PROM1: variants seen among roughly 807,000 people sequenced by gnomAD.
The protein encoded by PROM1 is prominin-1.
In PROM1, 105 loss-of-function variants were observed where a neutral mutation model predicts 116.9. The observed-to-expected ratio is 0.90, with a 90% CI of 0.77 to 1.06. PROM1 has a LOEUF of 1.06. Ranked by LOEUF, PROM1 falls within the 50% of genes least tolerant of loss-of-function variation. The pLI, the probability that PROM1 is intolerant of heterozygous loss-of-function variation, is 0.00. For synonymous variants in PROM1, 393 were observed against 387.0 expected, an observed-to-expected ratio of 1.02 and a Z score of -0.18; for missense variants, 1,122 against 1,045.2, an observed-to-expected ratio of 1.07 and a Z score of -1.01.
chr4:16,009,019 C>CAG lies in PROM1; in HGVS notation c.1229_1230dup (p.Val411LeufsTer36). 6.3e-7 allele frequency: 1 copy of CAG among 1,596,808 alleles called. No individual in the cohort carries two copies. Among genetic ancestry groups the CAG allele is most frequent in the Non-Finnish European group, 8.6e-7 (1 of 1,164,814 alleles). ...TAACTTTCAGTGTTATTAACATAAACAGAGAATGCTGAGAGTATATCCTGA... is the reference window on the plus strand; with the variant it reads ...TAACTTTCAGTGTTATTAACATAAACAGAGAGAATGCTGAGAGTATATCCTGA... On this transcript the variant is annotated frameshift_variant, in exon 12 of 28. Transcript: ENST00000447510. LOFTEE classifies it high-confidence loss of function.
intron 10 of PROM1, 56 bp downstream of exon 10, chr4:16,016,110 A>G: frequency 2.1e-6 from 3 of 1,413,340 alleles, no homozygotes; most frequent in Non-Finnish European, 2.9e-6. Context: ...CTTATGTACT[A>G]GTCCACCCTT....
intron 11 of PROM1, among the ~76,000 whole-genome samples, chr4:16,010,348 G>A (rs1726605668): frequency 6.6e-6 from 1 of 152,180 alleles, no homozygotes; most frequent in African/African-American, 2.4e-5. Context: ...TCAGTTAAAA[G>A]TCCACTGATC....
At chr4:16,017,977 T>A (rs1728817709) in intron 9 of PROM1, among the ~76,000 whole-genome samples, 2 of 152,004 alleles carry the variant, frequency 1.3e-5, no homozygotes, top group South Asian at 4.2e-4. Context: ...TTCTTCTATT[T>A]CAGCATACAT....
chr4:15,999,771 A>G (rs1254581898), intron 14 of PROM1, among the ~76,000 whole-genome samples: 2 of 152,284 alleles, frequency 1.3e-5, no homozygotes, highest in Admixed American at 6.5e-5. Flanking sequence ...CTGATTTCAT[A>G]ACAGATCTTA....
At chr4:16,023,545 G>GAT in intron 7 of PROM1, 130 bp from the exon 8 acceptor site, 1 of 666,424 alleles carries the variant, frequency 1.5e-6, no homozygotes. Flanking sequence ...CCCTGTCTAG[G>GAT]GGTTAAACTC....
chr4:16,080,370 A>C (rs1485781561), intron 1 of PROM1, among the ~76,000 whole-genome samples: 1 of 147,696 alleles, frequency 6.8e-6, no homozygotes, highest in Non-Finnish European at 1.5e-5. Flanking sequence ...AATACAAAAA[A>C]AATTAGCCAG....
At chr4:16,020,767 T>C (rs1729654223) in intron 8 of PROM1, among the ~76,000 whole-genome samples, 1 of 152,206 alleles carries the variant, frequency 6.6e-6, no homozygotes, top group Non-Finnish European at 1.5e-5. Context: ...CCATGGATAA[T>C]ATTCTGTCAT....
chr4:16,013,532 T>TATCA (rs1428780672), intron 10 of PROM1, among the ~76,000 whole-genome samples, 194 bp from the exon 11 acceptor site: 4 of 152,240 alleles, frequency 2.6e-5, no homozygotes, highest in African/African-American at 9.6e-5. Context: ...CTTTAAATTA[T>TATCA]ATCAATCAAA....
intron 2 of PROM1, among the ~76,000 whole-genome samples, chr4:16,046,736 G>C (rs1488273183): frequency 6.6e-6 from 1 of 152,144 alleles, no homozygotes; most frequent in African/African-American, 2.4e-5. Context: ...TCACAAGCTC[G>C]AGGGAGACAA....
chr4:16,077,016 A>G (rs62290904), intron 1 of PROM1, among the ~76,000 whole-genome samples: 2 of 152,326 alleles, frequency 1.3e-5, no homozygotes, highest in African/African-American at 4.8e-5. Context: ...GTTTCTCCCC[A>G]TGTGATAGTC....
chr4:15,979,829 T>A, intron 25 of PROM1, 52 bp downstream of exon 25: 1 of 1,389,892 alleles, frequency 7.2e-7, no homozygotes, highest in Non-Finnish European at 9.9e-7. Context: ...TACATAATAA[T>A]ATCAACCTCC....
chr4:16,070,264 T>C (rs1230518523), intron 2 of PROM1, among the ~76,000 whole-genome samples: 1 of 152,066 alleles, frequency 6.6e-6, no homozygotes, highest in East Asian at 1.9e-4. Flanking sequence ...ACTTATTTCA[T>C]CTCAAATCCC....
At chr4:16,033,651 G>A (rs1174261802) in intron 4 of PROM1, 142 bp from the exon 5 acceptor site, 6 of 658,020 alleles carry the variant, frequency 9.1e-6, no homozygotes, top group Non-Finnish European at 1.2e-5. Flanking sequence ...GCGCAGTGGC[G>A]CGATTTCGGC....
intron 9 of PROM1, among the ~76,000 whole-genome samples, chr4:16,018,091 AT>A (rs1728866142): frequency 6.6e-6 from 1 of 152,136 alleles, no homozygotes; most frequent in Non-Finnish European, 1.5e-5. Context: ...TAATTCTGAT[AT>A]GTTTCATTCA....
At position 15,999,359 on chromosome 4, in the gene PROM1, T is replaced by A. The variant is rs531646677; in HGVS notation, c.1579-871A>T. The stretch of plus-strand genomic sequence containing the variant: ...GGTGGCGGGCACCTGTAGTTCCAGC[T>A]ACTCGGGAGGCTGAGGCAGGAGAAT... On this transcript the variant is annotated intron_variant, in intron 14 of 27. Transcript: ENST00000447510. Among the ~76,000 whole-genome samples the A allele has an allele frequency of 2.5e-3, 381 of 151,934 alleles. 4 individuals carry two copies. The highest frequency in any genetic ancestry group is 2.2e-3 in the Non-Finnish European group (152 of 67,980).
chr4:15,974,648 A>G (rs1371922057), intron 26 of PROM1, among the ~76,000 whole-genome samples: 1 of 151,374 alleles, frequency 6.6e-6, no homozygotes, highest in Non-Finnish European at 1.5e-5. Context: ...TTTTTTTTTC[A>G]TTTATAAACA....
At chr4:16,070,813 G>A (rs1742633603) in intron 2 of PROM1, among the ~76,000 whole-genome samples, 1 of 152,158 alleles carries the variant, frequency 6.6e-6, no homozygotes, top group South Asian at 2.1e-4. Context: ...CAAAAGTGAA[G>A]GGACTGTTTC....
At chr4:16,072,220 G>A (rs1205550434) in intron 2 of PROM1, among the ~76,000 whole-genome samples, 3 of 152,118 alleles carry the variant, frequency 2.0e-5, no homozygotes, top group Non-Finnish European at 4.4e-5. Flanking sequence ...GCTGGAACTT[G>A]AGAAAAAGCC....
intron 1 of PROM1, among the ~76,000 whole-genome samples, chr4:16,077,508 G>A (rs940066519): frequency 6.6e-6 from 1 of 152,118 alleles, no homozygotes; most frequent in African/African-American, 2.4e-5. Context: ...TACGCTGAAC[G>A]CTGGTCCCCT....
Sources: allele counts gnomAD v4.1 joint callset (sites outside exome capture counted in the v4.1 genomes callset), GRCh38; gene constraint gnomAD v4.1.1; transcripts MANE v1.5; gene names NCBI Gene and HGNC (gene_info 2026-07-23, HGNC 2026-07-21).